The following GCLC variants were observed in gnomAD, a reference collection of about 807,000 sequenced individuals.
The protein encoded by GCLC is glutamate-cysteine ligase catalytic subunit, also known as glutamate--cysteine ligase catalytic subunit.
A neutral mutation model predicts 81.5 loss-of-function variants in GCLC; 30 were observed. The observed-to-expected ratio is 0.37, with a 90% CI of 0.28 to 0.50. The LOEUF (loss-of-function observed/expected upper bound fraction) is 0.50, where lower values mean the gene tolerates loss of function less well. Ranked by LOEUF, GCLC falls within the 20% of genes least tolerant of loss-of-function variation. The probability of loss-of-function intolerance (pLI) is 0.96; values close to 1 mark genes in which losing one functional copy is unlikely to be tolerated. For missense variants in GCLC, 556 were observed against 777.4 expected (o/e 0.72, Z 3.39); for synonymous variants, 262 against 273.3 (o/e 0.96, Z 0.41).
chr6:53,506,683 T>TA lies in GCLC; in HGVS notation c.1197+229dup. On this transcript the variant is annotated intron_variant, in intron 10 of 15. Coordinates refer to ENST00000650454, the MANE Select transcript of GCLC (RefSeq NM_001498.4). The surrounding 1 kb of genome is among the most constrained non-coding windows in gnomAD (Gnocchi z 4.0). The stretch of plus-strand genomic sequence containing the variant: ...AAAAAAAAAATTAGAATCAGTGAGA[T>TA]AAACAGTAAGAATCGTAAAATAAGA... 2.0e-6 allele frequency: 1 copy of TA among 507,444 alleles called. No homozygotes were observed. Among genetic ancestry groups the TA allele is most frequent in the South Asian group, 2.3e-5 (1 of 43,620 alleles). 31.4% of individuals were successfully genotyped at this position (507,444 alleles called of 1,614,324 possible).
chr6:53,522,393 A>G, intron 2 of GCLC, 22 bp downstream of exon 2: 1 of 1,325,174 alleles, frequency 7.5e-7, no homozygotes, highest in South Asian at 1.2e-5. Flanking sequence ...CAGAAACACT[A>G]AATCAGCACA....
rs371559655 is a variant in GCLC at position 53,522,391 on chromosome 6, C to T, written c.263+24G>A. ...AGAAGTTTTAGCAGTTTCAGAAACA[C>T]TAAATCAGCACATGAGAGCTTACTT... On this transcript the variant is annotated intron_variant, in intron 2 of 15. Coordinates refer to ENST00000650454, the MANE Select transcript of GCLC (RefSeq NM_001498.4). 3.0e-6 allele frequency: 4 copies of T among 1,318,688 alleles called. No homozygotes were observed. In the African/African-American group the frequency reaches 4.3e-5, roughly 14 times the overall value. 81.7% of individuals were successfully genotyped at this position (1,318,688 alleles called of 1,614,324 possible). A position where few individuals can be genotyped will look rare whatever the true frequency, so the allele number is the denominator to read the frequency against.
At chr6:53,535,714 T>C (rs755005744) in intron 1 of GCLC, among the ~76,000 whole-genome samples, 2 of 152,150 alleles carry the variant, frequency 1.3e-5, no homozygotes, top group South Asian at 4.1e-4. Flanking sequence ...CATAAAAAGA[T>C]ACTCAACATC....
At chr6:53,529,191 T>C (rs1268499153) in intron 1 of GCLC, among the ~76,000 whole-genome samples, 2 of 152,254 alleles carry the variant, frequency 1.3e-5, no homozygotes, top group Middle Eastern at 3.4e-3. Context: ...GAAAACACAA[T>C]CCTAAAATTA....
chr6:53,507,916 C>T (rs1475495942), intron 8 of GCLC, among the ~76,000 whole-genome samples: 5 of 151,976 alleles, frequency 3.3e-5, no homozygotes, highest in African/African-American at 7.3e-5. Flanking sequence ...AAATCTATAA[C>T]GTAAGATAAA....
At chr6:53,500,600 GA>G in intron 12 of GCLC, 87 bp from the exon 13 acceptor site, 1 of 917,552 alleles carries the variant, frequency 1.1e-6, no homozygotes, top group South Asian at 1.3e-5. Context: ...TTGCAATTAG[GA>G]CTCATTCCCT....
intron 1 of GCLC, among the ~76,000 whole-genome samples, chr6:53,528,993 C>T (rs1763128560): frequency 6.6e-6 from 1 of 152,152 alleles, no homozygotes; most frequent in South Asian, 2.1e-4. Context: ...TGTCACCTGT[C>T]ACCAAAGGAA....
chr6:53,538,136 C>CTTTTTTTTTTTT (rs10588842), intron 1 of GCLC, among the ~76,000 whole-genome samples: 8 of 78,904 alleles, frequency 1.0e-4, no homozygotes, highest in East Asian at 4.2e-4. Context: ...TTTTTCTTTC[C>CTTTTTTTTTTTT]TTTTTTTTTT....
chr6:53,529,971 CAT>C (rs1466155975), intron 1 of GCLC, among the ~76,000 whole-genome samples: 2 of 152,244 alleles, frequency 1.3e-5, no homozygotes, highest in African/African-American at 2.4e-5. Flanking sequence ...AGAATGCACA[CAT>C]GATTTCCTTC....
intron 1 of GCLC, chr6:53,522,826 G>C: frequency 3.9e-6 from 1 of 253,222 alleles, no homozygotes; most frequent in Admixed American, 5.0e-5. Context: ...GTGTTTTGAA[G>C]CAAAGATTCT....
At chr6:53,541,285 G>T (rs1381964010) in intron 1 of GCLC, among the ~76,000 whole-genome samples, 3 of 152,214 alleles carry the variant, frequency 2.0e-5, no homozygotes, top group Non-Finnish European at 4.4e-5. Context: ...CCCAGATCAA[G>T]GGCGGGAGGT....
At chr6:53,540,667 C>CCA (rs35480206) in intron 1 of GCLC, among the ~76,000 whole-genome samples, 16,963 of 143,768 alleles carry the variant, frequency 0.12, 966 homozygotes, top group South Asian at 0.16. Context: ...AAGTGTCTTG[C>CCA]CACACACACA....
intron 1 of GCLC, 111 bp downstream of exon 1, chr6:53,544,385 G>A: frequency 1.8e-6 from 2 of 1,130,738 alleles, no homozygotes; most frequent in Non-Finnish European, 2.6e-6. Context: ...GGACCCCCGG[G>A]CGCAGTGGAG....
intron 12 of GCLC, among the ~76,000 whole-genome samples, chr6:53,504,503 T>C (rs1259663435): frequency 6.6e-6 from 1 of 152,204 alleles, no homozygotes; most frequent in African/African-American, 2.4e-5. Flanking sequence ...GTAGCTTACA[T>C]GGAATCTCTC....
chr6:53,544,733 A>G lies in GCLC; in HGVS notation c.-88T>C. On this transcript the variant is annotated 5_prime_UTR_variant, in exon 1 of 16. Coordinates refer to ENST00000650454, the MANE Select transcript of GCLC (RefSeq NM_001498.4). ...AGACGGACACTCAGCCGCCCGCAGA[A>G]GGCGGCTGCCGCTCCACCCCGCGGG... 7.6e-7 allele frequency: 1 copy of G among 1,318,512 alleles called. No individual in the cohort carries two copies. Among genetic ancestry groups the G allele is most frequent in the Non-Finnish European group, 1.0e-6 (1 of 980,500 alleles). 81.7% of individuals were successfully genotyped at this position (1,318,512 alleles called of 1,614,324 possible). A position where few individuals can be genotyped will look rare whatever the true frequency, so the allele number is the denominator to read the frequency against.
intron 1 of GCLC, 127 bp downstream of exon 1, chr6:53,544,369 G>T: frequency 3.2e-6 from 3 of 932,184 alleles, no homozygotes; most frequent in Non-Finnish European, 4.9e-6. Flanking sequence ...GCCGGGAGGC[G>T]CTCGAGGACC....
intron 6 of GCLC, among the ~76,000 whole-genome samples, chr6:53,511,907 G>GT (rs1253928137): frequency 7.9e-6 from 1 of 126,916 alleles, no homozygotes; most frequent in Non-Finnish European, 1.7e-5. Flanking sequence ...TTTGGGGGGG[G>GT]GGGTGGGAGG....
At position 53,498,822 on chromosome 6, in the gene GCLC, T is replaced by C. The variant is rs760363028; in HGVS notation, c.1848A>G (p.Pro616=). ...NQIANELCEC[P]ELLGSAFRKV... is the part of the protein sequence containing the mutation. ...TCCTAAATGCTGATCCAAGTAACTC[T>C]GGGCATTCACATAATTCATTTGCAA... The change falls in exon 16 of 16, where the codon CCA becomes CCG. Residue 616 remains proline (P), a synonymous_variant. Transcript: ENST00000650454. 3 of 1,613,554 alleles carry C rather than the reference T, an allele frequency of 1.9e-6. No homozygotes were observed. In the African/African-American group the frequency reaches 4.0e-5, roughly 22 times the overall value.
intron 3 of GCLC, among the ~76,000 whole-genome samples, chr6:53,519,543 A>AC (rs957082526): frequency 1.3e-5 from 2 of 150,968 alleles, no homozygotes; most frequent in African/African-American, 4.9e-5. Flanking sequence ...TTGTTCTTCA[A>AC]CCCCCCAGCT....
Sources: allele counts gnomAD v4.1 joint callset (sites outside exome capture counted in the v4.1 genomes callset), GRCh38; gene constraint gnomAD v4.1.1; non-coding constraint Gnocchi (gnomAD v3.1); transcripts MANE v1.5; gene names NCBI Gene and HGNC (gene_info 2026-07-23, HGNC 2026-07-21).